KLF8: variants seen among roughly 807,000 people sequenced by gnomAD.
The protein encoded by KLF8 is KLF transcription factor 8.
KLF8 carries 10 observed loss-of-function variants against 18.2 expected under a neutral mutation model. That is an observed-to-expected ratio of 0.55 (90% confidence interval 0.34 to 0.93). The LOEUF is 0.93. Ranked by LOEUF, KLF8 falls within the 40% of genes least tolerant of loss-of-function variation. KLF8 has a pLI of 0.02. For synonymous variants in KLF8, 109 were observed against 97.3 expected, an observed-to-expected ratio of 1.12 and a Z score of -0.71; for missense variants, 264 against 277.9, an observed-to-expected ratio of 0.95 and a Z score of 0.36.
At chrX:56,053,283 T>G in the KLF8 span, among the ~76,000 whole-genome samples, 2 of 111,867 alleles carry the variant, frequency 1.8e-5, no homozygotes, top group Non-Finnish European at 3.8e-5. Context: ...CCTCCCCCTA[T>G]TTTTTGTTTT....
chrX:56,159,678 G>C, the KLF8 span, among the ~76,000 whole-genome samples: 1 of 112,356 alleles, frequency 8.9e-6, no homozygotes, highest in Non-Finnish European at 1.9e-5. Flanking sequence ...TTTGCATAGA[G>C]GTGTTTATAG....
At chrX:56,204,876 C>T in the KLF8 span, among the ~76,000 whole-genome samples, 4 of 110,363 alleles carry the variant, frequency 3.6e-5, no homozygotes, top group East Asian at 8.6e-4. Flanking sequence ...TTAAGGGTAA[C>T]CTACTGCTTG....
intron 1 of KLF8, among the ~76,000 whole-genome samples, chrX:56,236,962 G>GATAT (rs3052513): frequency 0.05 from 4,631 of 93,213 alleles, 276 homozygotes; most frequent in African/African-American, 0.15. Context: ...TAGATAGATG[G>GATAT]ATATATATAT....
chrX:56,201,564 T>A, the KLF8 span, among the ~76,000 whole-genome samples: 1 of 111,431 alleles, frequency 9.0e-6, no homozygotes, highest in East Asian at 2.8e-4. Context: ...AGTACTGTAT[T>A]GTAGTTAAAA....
the KLF8 span, among the ~76,000 whole-genome samples, chrX:56,153,744 A>C: frequency 1.8e-5 from 2 of 111,511 alleles, no homozygotes; most frequent in Non-Finnish European, 3.8e-5. Context: ...TCAGGATACA[A>C]AATCAATCTG....
the KLF8 span, among the ~76,000 whole-genome samples, chrX:55,925,282 A>T: frequency 9.3e-6 from 1 of 107,506 alleles, no homozygotes; most frequent in Non-Finnish European, 1.9e-5. Flanking sequence ...AAAGGAGGTA[A>T]CATTTCACTT....
chrX:55,987,878 T>C, the KLF8 span, among the ~76,000 whole-genome samples: 1 of 111,592 alleles, frequency 9.0e-6, no homozygotes, highest in Non-Finnish European at 1.9e-5. Context: ...TCCTGACTTT[T>C]TAACGATCGC....
the KLF8 span, among the ~76,000 whole-genome samples, chrX:55,965,639 T>C: frequency 3.6e-5 from 4 of 112,174 alleles, no homozygotes; most frequent in Non-Finnish European, 7.5e-5. Flanking sequence ...GAAAACATCA[T>C]AGTCTCTGCA....
At chrX:55,959,639 G>A in the KLF8 span, among the ~76,000 whole-genome samples, 2 of 111,679 alleles carry the variant, frequency 1.8e-5, no homozygotes, top group African/African-American at 3.3e-5. Flanking sequence ...AGACCAAGCC[G>A]AGGAAAAAAT....
At chrX:56,270,053 TGG>T in intron 4 of KLF8, 127 bp from the exon 5 acceptor site, 4 of 629,311 alleles carry the variant, frequency 6.4e-6, no homozygotes, top group Non-Finnish European at 9.6e-6. Context: ...TATTTCTTTT[TGG>T]GGGGACCTAG....
the KLF8 span, among the ~76,000 whole-genome samples, chrX:56,174,890 G>C: frequency 8.9e-6 from 1 of 111,846 alleles, no homozygotes; most frequent in African/African-American, 3.2e-5. Flanking sequence ...GCATAGATGT[G>C]TTTATACCAT....
the KLF8 span, among the ~76,000 whole-genome samples, chrX:55,984,430 G>A: frequency 9.0e-6 from 1 of 111,496 alleles, no homozygotes; most frequent in Non-Finnish European, 1.9e-5. Flanking sequence ...CCCTGCAAAG[G>A]ACATGATCTC....
At chrX:55,933,218 G>T in the KLF8 span, among the ~76,000 whole-genome samples, 2 of 111,363 alleles carry the variant, frequency 1.8e-5, no homozygotes, top group African/African-American at 6.5e-5. Context: ...ATAAGGAAGA[G>T]GTTTAATTTT....
At chrX:56,116,736 T>G in the KLF8 span, among the ~76,000 whole-genome samples, 2 of 106,308 alleles carry the variant, frequency 1.9e-5, no homozygotes, top group Middle Eastern at 4.9e-3. Context: ...TTTTCTTTTT[T>G]TGTGTGTAGT....
At chrX:56,077,634 TG>T in the KLF8 span, among the ~76,000 whole-genome samples, 1 of 111,947 alleles carries the variant, frequency 8.9e-6, no homozygotes, top group African/African-American at 3.3e-5. Context: ...GGCTCTTTTT[TG>T]GTTCCATATG....
the KLF8 span, among the ~76,000 whole-genome samples, chrX:56,068,514 C>T: frequency 9.8e-5 from 11 of 111,689 alleles, no homozygotes; most frequent in African/African-American, 3.3e-4. Flanking sequence ...ACACAGCTTC[C>T]TGTTGTTTTG....
the KLF8 span, among the ~76,000 whole-genome samples, chrX:56,221,349 A>G: frequency 4.8e-3 from 537 of 111,621 alleles, 3 homozygotes; most frequent in African/African-American, 0.017. Context: ...AACATGCAAA[A>G]AGGATTTTCA....
the KLF8 span, among the ~76,000 whole-genome samples, chrX:56,216,663 AC>A: frequency 9.1e-6 from 1 of 110,435 alleles, no homozygotes; most frequent in African/African-American, 3.3e-5. Context: ...GGCATGAGCC[AC>A]CACATCAAGC....
the KLF8 span, among the ~76,000 whole-genome samples, chrX:55,935,839 A>G: frequency 8.9e-6 from 1 of 112,330 alleles, no homozygotes; most frequent in African/African-American, 3.2e-5. Flanking sequence ...TTATACATAT[A>G]TACTAAAAGT....
Sources: gnomAD v4.1 joint callset for allele counts (sites outside exome capture counted in the v4.1 genomes callset) on GRCh38, gnomAD v4.1.1 for gene constraint, MANE v1.5 for transcripts, NCBI Gene and HGNC (gene_info 2026-07-23, HGNC 2026-07-21) for gene names.